The following TRPM2 variants were observed in gnomAD, a reference collection of about 807,000 sequenced individuals.
TRPM2 encodes the protein transient receptor potential cation channel subfamily M member 2.
Under a neutral mutation model 174.0 loss-of-function variants are expected in TRPM2, and 161 were observed. That is an observed-to-expected ratio of 0.93 (90% confidence interval 0.81 to 1.05). The LOEUF (loss-of-function observed/expected upper bound fraction) is 1.05. Among genes scored for constraint, TRPM2 ranks in the 50% least tolerant of loss-of-function variants. The pLI, the probability that TRPM2 is intolerant of heterozygous loss-of-function variation, is 0.00. For synonymous variants in TRPM2, 954 were observed against 861.3 expected, an observed-to-expected ratio of 1.11 and a Z score of -1.88; for missense variants, 2,057 against 2,038.0, an observed-to-expected ratio of 1.01 and a Z score of -0.18.
rs1602109372 is a variant in TRPM2 at position 44,354,521 on chromosome 21, T to G, written c.166-127T>G. 2.6e-6 allele frequency: 2 copies of G among 756,330 alleles called. No homozygotes were observed. The highest frequency in any genetic ancestry group is 3.3e-5 in the South Asian group (2 of 59,940). The allele number at this position is 756,330 out of a possible 1,614,324, so 46.9% of individuals were successfully genotyped here. On this transcript the variant is annotated intron_variant, in intron 1 of 31. Coordinates refer to ENST00000397928, the MANE Select transcript of TRPM2 (RefSeq NM_003307.4). This position sits in a 1 kb window ranked among gnomAD's most constrained non-coding sequence, Gnocchi z 4.3. ...GGTGCTTCTAATCTTTGGCTCAGGG[T>G]CGCGCAGGCTTCCTTCCTTCAAGCA...
intron 27 of TRPM2, among the ~76,000 whole-genome samples, chr21:44,429,278 C>CTTTTTTTTTTTT (rs35708355): frequency 1.4e-4 from 6 of 44,196 alleles, no homozygotes; most frequent in Admixed American, 3.1e-4. Context: ...TTTTCTTTTT[C>CTTTTTTTTTTTT]TTTTTTTTTT....
Position 44,425,779 on chromosome 21 carries a change from C to G in TRPM2, c.3747C>G (p.Asn1249Lys). ...HVNARHLLYP[N>K]CPVTRFPVPN... ...ATGCCCGGCACCTCCTCTACCCCAA[C>G]TGCCCTGTCACGCGCTTCCCCGTGC... The change falls in exon 25 of 32, where the codon AAC becomes AAG. Residue 1249 changes from asparagine (N) to lysine (K), a missense_variant. Physicochemically the swap from Asn to Lys is moderately conservative, Grantham distance 94. Transcript: ENST00000397928. 1 of 1,596,506 alleles carries G rather than the reference C, an allele frequency of 6.3e-7. No individual in the cohort carries two copies. The highest frequency in any genetic ancestry group is 8.6e-7 in the Non-Finnish European group (1 of 1,168,310).
In TRPM2 at chr21:44,427,062, G is replaced by A; in HGVS notation, c.3925G>A (p.Asp1309Asn). ...GTACAACGTGGTGGATGGCCTGAGG[G>A]ACCGCCGGAGCTTCCACGGGCCGTA... is the stretch of plus-strand genomic sequence containing the variant. ...IQYNVVDGLR[D>N]RRSFHGPYTV... Residue 1309 changes from aspartate to asparagine, a missense_variant, in exon 27 of 32, where the codon GAC (aspartate) becomes AAC (asparagine). Asp to Asn is a conservative substitution (Grantham distance 23, BLOSUM62 1). Coordinates refer to ENST00000397928, the MANE Select transcript of TRPM2 (RefSeq NM_003307.4). 1 of 1,607,614 alleles carries A rather than the reference G, an allele frequency of 6.2e-7. No homozygotes were observed. Among genetic ancestry groups the A allele is most frequent in the Middle Eastern group, 1.8e-4 (1 of 5,558 alleles).
intron 8 of TRPM2, among the ~76,000 whole-genome samples, chr21:44,381,773 G>A (rs143143081): frequency 4.6e-5 from 7 of 152,134 alleles, no homozygotes; most frequent in African/African-American, 9.7e-5. Context: ...CAGGCATGGT[G>A]GTGGGTGCCT....
In TRPM2 at chr21:44,430,445, C is replaced by T. The variant is rs1307404455; in HGVS notation, c.3974+3334C>T. Among the ~76,000 whole-genome samples the T allele has an allele frequency of 3.0e-3, 17 of 5,692 alleles. 5 individuals carry two copies. Among genetic ancestry groups the T allele is most frequent in the Admixed American group, 7.5e-3 (4 of 532 alleles). 3.7% of individuals were successfully genotyped at this position (5,692 alleles called of 152,430 possible). A position where few individuals can be genotyped will look rare whatever the true frequency, so the allele number is the denominator to read the frequency against. On this transcript the variant is annotated intron_variant, in intron 27 of 31. Coordinates refer to ENST00000397928, the MANE Select transcript of TRPM2 (RefSeq NM_003307.4). ...TTTTTTTTTTTTTTTTTTTTTGAGA[C>T]GGAGTCTCGCTCTGTCGCCCAGGCC... is the stretch of plus-strand genomic sequence containing the variant.
chr21:44,420,943 C>T (rs910325900), intron 22 of TRPM2, among the ~76,000 whole-genome samples: 8 of 152,200 alleles, frequency 5.3e-5, no homozygotes, highest in African/African-American at 1.9e-4. Flanking sequence ...CAGCTTCCAC[C>T]ACTGGCCAGC....
At chr21:44,375,373 A>G (rs1012007336) in intron 5 of TRPM2, among the ~76,000 whole-genome samples, 1 of 151,956 alleles carries the variant, frequency 6.6e-6, no homozygotes, top group Non-Finnish European at 1.5e-5. Flanking sequence ...CCACTTCCTC[A>G]CCCCAGACCT....
intron 27 of TRPM2, among the ~76,000 whole-genome samples, chr21:44,427,747 C>T (rs1002315665): frequency 2.0e-5 from 3 of 152,232 alleles, no homozygotes; most frequent in South Asian, 2.1e-4. Flanking sequence ...GGGGGGACTG[C>T]GTGGCAGGCC....
chr21:44,388,776 T>G (rs2049087924), intron 9 of TRPM2, among the ~76,000 whole-genome samples: 1 of 151,990 alleles, frequency 6.6e-6, no homozygotes, highest in African/African-American at 2.4e-5. Flanking sequence ...AGCCTTATGA[T>G]TATAAATATG....
At chr21:44,427,165 G>T in intron 27 of TRPM2, 54 bp downstream of exon 27, 6 of 1,447,014 alleles carry the variant, frequency 4.1e-6, no homozygotes, top group Non-Finnish European at 4.7e-6. Flanking sequence ...TTTGCCTGGG[G>T]GGCAGGTTTC....
At position 44,405,257 on chromosome 21, in the gene TRPM2, G is replaced by A. The variant is rs1165034779; in HGVS notation, c.2654G>A (p.Cys885Tyr). 2 of 1,612,560 alleles carry A rather than the reference G, an allele frequency of 1.2e-6. No individual in the cohort carries two copies. The highest frequency in any genetic ancestry group is 1.7e-6 in the Non-Finnish European group (2 of 1,179,900). ...TTGCTCTTCGTGGCAGGGCTGACCT[G>A]CAGGTGAGTGGCCTCACCCCGATGG... ...AILLFVAGLTCRLIPATLYPG... is the reference protein window; with the variant it reads ...AILLFVAGLTYRLIPATLYPG... The change falls in exon 17 of 32, where the codon TGC (cysteine) becomes TAC (tyrosine). Residue 885 changes from cysteine (C) to tyrosine (Y), a missense_variant. By Grantham distance (194) the Cys-to-Tyr change is radical. Coordinates refer to ENST00000397928, the MANE Select transcript of TRPM2 (RefSeq NM_003307.4).
rs57031573 is a variant in TRPM2 at position 44,362,348 on chromosome 21, C to CAAAAAAA, written c.255-1755_255-1749dup. Reference sequence around the variant, plus strand: ...TGAAACCCCGTCTCTACTAAAAATACAAAAAAAAAAAAAAAAAGCCAGATG... The same window carrying CAAAAAAA: ...TGAAACCCCGTCTCTACTAAAAATACAAAAAAAAAAAAAAAAAAAAAAAAGCCAGATG... On this transcript the variant is annotated intron_variant, in intron 2 of 31. Coordinates refer to ENST00000397928, the MANE Select transcript of TRPM2 (RefSeq NM_003307.4). Among the ~76,000 whole-genome samples, 500 of 89,196 alleles carry CAAAAAAA rather than the reference C, an allele frequency of 5.6e-3. 20 individuals carry two copies. The highest frequency in any genetic ancestry group is 0.018 in the African/African-American group (442 of 24,250). 58.5% of individuals were successfully genotyped at this position (89,196 alleles called of 152,430 possible). A position where few individuals can be genotyped will look rare whatever the true frequency, so the allele number is the denominator to read the frequency against.
intron 16 of TRPM2, 43 bp downstream of exon 16, chr21:44,401,940 C>T: frequency 3.7e-6 from 6 of 1,605,150 alleles, no homozygotes; most frequent in Non-Finnish European, 5.1e-6. Context: ...CCGGGGCCAC[C>T]CACTTGGCTG....
chr21:44,401,952 A>G (rs2049635280), intron 16 of TRPM2, 55 bp downstream of exon 16: 1 of 1,596,366 alleles, frequency 6.3e-7, no homozygotes, highest in East Asian at 2.2e-5. Flanking sequence ...ACTTGGCTGC[A>G]TTCTCATAGG....
At chr21:44,359,967 C>T (rs1190092790) in intron 2 of TRPM2, among the ~76,000 whole-genome samples, 4 of 151,914 alleles carry the variant, frequency 2.6e-5, no homozygotes, top group African/African-American at 4.8e-5. Flanking sequence ...AGGCTGGTCT[C>T]GAACTCTTGA....
intron 2 of TRPM2, among the ~76,000 whole-genome samples, chr21:44,363,365 G>A (rs2048271714): frequency 6.6e-6 from 1 of 152,008 alleles, no homozygotes; most frequent in African/African-American, 2.4e-5. Context: ...CTTTGTTGTT[G>A]TTTGTTTGTT....
At chr21:44,358,603 G>A (rs2048122175) in intron 2 of TRPM2, among the ~76,000 whole-genome samples, 1 of 152,254 alleles carries the variant, frequency 6.6e-6, no homozygotes, top group Non-Finnish European at 1.5e-5. Context: ...AATCTCATCA[G>A]AGGTGATCGT....
chr21:44,399,463 C>A lies in TRPM2; in HGVS notation c.2208+22C>A, dbSNP rs1428227259. On this transcript the variant is annotated intron_variant, in intron 14 of 31. Transcript: ENST00000397928. The surrounding 1 kb of genome is among the most constrained non-coding windows in gnomAD (Gnocchi z 4.6). ...CCAGGTGACCTCCCAAGAGCCCCTT[C>A]CAGAAACAGACGCCTGTGGTGCCTG... 2 of 1,602,284 alleles carry A rather than the reference C, an allele frequency of 1.2e-6. No homozygotes were observed. The highest frequency in any genetic ancestry group is 2.2e-5 in the South Asian group (2 of 89,978).
intron 17 of TRPM2, 126 bp from the exon 18 acceptor site, chr21:44,405,779 G>A: frequency 1.7e-6 from 2 of 1,158,266 alleles, no homozygotes; most frequent in East Asian, 2.4e-5. Flanking sequence ...GGGATGCAGG[G>A]CCCACCAGAG....
Sources: gnomAD v4.1 joint callset for allele counts (sites outside exome capture counted in the v4.1 genomes callset) on GRCh38, gnomAD v4.1.1 for gene constraint, Gnocchi (gnomAD v3.1) non-coding constraint, MANE v1.5 for transcripts, NCBI Gene and HGNC (gene_info 2026-07-23, HGNC 2026-07-21) for gene names.